The following ECHS1 variants were observed in gnomAD, a reference collection of about 807,000 sequenced individuals.
ECHS1 encodes the protein enoyl-CoA hydratase, mitochondrial.
Under a neutral mutation model 33.5 loss-of-function variants are expected in ECHS1, and 19 were observed. The observed-to-expected ratio is 0.57, with a 90% confidence interval of 0.40 to 0.83. The LOEUF is 0.83. Ranked by LOEUF, ECHS1 falls within the 40% of genes least tolerant of loss-of-function variation. The probability of loss-of-function intolerance (pLI) is 0.00; values close to 1 mark genes in which losing one functional copy is unlikely to be tolerated. For synonymous variants in ECHS1, 158 were observed against 146.6 expected (o/e 1.08, Z -0.56); for missense variants, 365 against 381.3 (o/e 0.96, Z 0.36).
Position 133,362,558 on chromosome 10 carries a change from ATTC to A in ECHS1, c.*307_*309del, listed in dbSNP as rs1848978876. 1 of 462,794 alleles carries A rather than the reference ATTC, an allele frequency of 2.2e-6. No individual in the cohort carries two copies. The highest frequency in any genetic ancestry group is 3.9e-6 in the Non-Finnish European group (1 of 254,508). The allele number at this position is 462,794 out of a possible 1,614,324, so 28.7% of individuals were successfully genotyped here. A position where few individuals can be genotyped will look rare whatever the true frequency, so the allele number is the denominator to read the frequency against. ...ACAGCGTTTCCCTCAGAGCAGCCCC[ATTC>A]TTCAGCGGCAGGGACACAAGGACCC... On this transcript the variant is annotated 3_prime_UTR_variant, in exon 8 of 8. Coordinates refer to ENST00000368547, the MANE Select transcript of ECHS1 (RefSeq NM_004092.4).
At chr10:133,366,172 G>C in intron 5 of ECHS1, 77 bp from the exon 6 acceptor site, 2 of 1,537,400 alleles carry the variant, frequency 1.3e-6, no homozygotes, top group Non-Finnish European at 1.8e-6. Context: ...TGGCCGCTGG[G>C]GAGCAGCGTG....
At chr10:133,373,218 G>C in intron 1 of ECHS1, 28 bp downstream of exon 1, 2 of 1,404,502 alleles carry the variant, frequency 1.4e-6, no homozygotes, top group Middle Eastern at 2.0e-4. Flanking sequence ...GAGGAGATTC[G>C]GGCCGCCAGC....
intron 4 of ECHS1, 98 bp downstream of exon 4, chr10:133,368,825 A>G (rs1468267259): frequency 4.3e-6 from 5 of 1,156,844 alleles, no homozygotes; most frequent in Non-Finnish European, 6.3e-6. Context: ...CTGTCCATCC[A>G]GGGCCTCTGG....
rs35775473 is a variant in ECHS1 at position 133,370,606 on chromosome 10, C to A, written c.240G>T (p.Pro80=). 1 of 1,610,762 alleles carries A rather than the reference C, an allele frequency of 6.2e-7. No individual in the cohort carries two copies. The highest frequency in any genetic ancestry group is 2.2e-5 in the East Asian group (1 of 44,830). Residue 80 remains proline, a synonymous_variant, in exon 2 of 8, where the codon CCG becomes CCT. Transcript: ENST00000368547. Reference sequence around the variant, plus strand: ...CGGTGAGGACAATGGCCCCCACGGCCGGGTCCTCCTCGAAGGTCTTCAGGG... The same window carrying A: ...CGGTGAGGACAATGGCCCCCACGGCAGGGTCCTCCTCGAAGGTCTTCAGGG... The part of the protein sequence containing the change: ...NQALKTFEED[P]AVGAIVLTGG...
rs752594630 is a variant in ECHS1 at position 133,364,716 on chromosome 10, A to G, written c.749T>C (p.Met250Thr). ...CAACTTACTTCCTTCTGTTAATGTCATTTCAAAAGCTGAAAAACAAAGTCC... is the reference window on the plus strand; with the variant it reads ...CAACTTACTTCCTTCTGTTAATGTCGTTTCAAAAGCTGAAAAACAAAGTCC... ...AKESVNAAFE[M>T]TLTEGSKLEK... Residue 250 changes from methionine to threonine, a missense_variant, in exon 7 of 8, where the codon ATG becomes ACG. By Grantham distance (81) the Met-to-Thr change is moderately conservative (BLOSUM62 -1). Transcript: ENST00000368547. The G allele has an allele frequency of 2.5e-6, 4 of 1,613,512 alleles. No individual in the cohort carries two copies. The African/African-American group carries it at 5.3e-5, about 22-fold the overall frequency.
At chr10:133,371,374 A>C (rs1175066786) in intron 1 of ECHS1, among the ~76,000 whole-genome samples, 1 of 152,148 alleles carries the variant, frequency 6.6e-6, no homozygotes, top group Admixed American at 6.5e-5. Context: ...TCTTCCCAGG[A>C]CACCACTCTG....
intron 1 of ECHS1, among the ~76,000 whole-genome samples, chr10:133,371,276 CAAAAAAAAAGAAA>C: frequency 1.3e-5 from 2 of 149,924 alleles, no homozygotes; most frequent in African/African-American, 4.9e-5. Flanking sequence ...GACTCCGTCT[CAAAAAAAAAGAAA>C]AGAAAAAAAG....
intron 6 of ECHS1, among the ~76,000 whole-genome samples, chr10:133,365,011 G>A (rs1397631027): frequency 6.6e-6 from 1 of 152,218 alleles, no homozygotes; most frequent in African/African-American, 2.4e-5. Flanking sequence ...CTGTGCCCTT[G>A]AGGAGAGGCT....
rs1848978847 is a variant in ECHS1, at chr10:133,362,559, T to A, written c.*309A>T. 2.2e-6 allele frequency: 1 copy of A among 462,106 alleles called. No homozygotes were observed. Among genetic ancestry groups the A allele is most frequent in the Admixed American group, 3.6e-5 (1 of 27,924 alleles). The allele number at this position is 462,106 out of a possible 1,614,324, so 28.6% of individuals were successfully genotyped here. ...CAGCGTTTCCCTCAGAGCAGCCCCA[T>A]TCTTCAGCGGCAGGGACACAAGGAC... On this transcript the variant is annotated 3_prime_UTR_variant, in exon 8 of 8. Transcript: ENST00000368547.
rs755167071 is a variant in ECHS1 at position 133,365,978 on chromosome 10, G to A, written c.737C>T (p.Ala246Val). ...TGTCTTCCTGGCAGATCCCCTACCT[G>A]CATTCACTGATTCTTTGGCCATCGC... is the stretch of plus-strand genomic sequence containing the variant. ...VVAMAKESVN[A>V]AFEMTLTEGS... The change falls in exon 6 of 8, where the codon GCA becomes GTA. Residue 246 changes from alanine (A) to valine (V), a missense_variant and splice_region_variant. By Grantham distance (64) the Ala-to-Val change is moderately conservative. Coordinates refer to ENST00000368547, the MANE Select transcript of ECHS1 (RefSeq NM_004092.4). 4 of 1,613,550 alleles carry A rather than the reference G, an allele frequency of 2.5e-6. No homozygotes were observed.
At position 133,373,329 on chromosome 10, in the gene ECHS1, G is replaced by C. The variant is rs587776498; in HGVS notation, c.5C>G (p.Ala2Gly). 2 of 1,502,740 alleles carry C rather than the reference G, an allele frequency of 1.3e-6. No homozygotes were observed. The highest frequency in any genetic ancestry group is 2.5e-5 in the South Asian group (2 of 81,562). The allele number at this position is 1,502,740 out of a possible 1,614,324, so 93.1% of individuals were successfully genotyped here. The change falls in exon 1 of 8, where the codon GCC becomes GGC. Residue 2 changes from alanine (A) to glycine (G), a missense_variant. Ala to Gly is a moderately conservative substitution (Grantham distance 60, BLOSUM62 0). Transcript: ENST00000368547. ...GCAGGACAGCAGGACACGCAGGGCG[G>C]CCATGGCTCTCTGGACTCCTCGCCC... Reference protein sequence around the residue: MAALRVLLSCVR... With the variant: MGALRVLLSCVR...
intron 6 of ECHS1, among the ~76,000 whole-genome samples, chr10:133,365,584 G>A (rs1167709954): frequency 1.3e-5 from 2 of 152,076 alleles, no homozygotes; most frequent in African/African-American, 2.4e-5. Context: ...CTGCAAGCCT[G>A]CGTAGCCACC....
In ECHS1 at chr10:133,362,910, G is replaced by A. The variant is rs769725255; in HGVS notation, c.831C>T (p.Thr277=). 1.5e-5 allele frequency: 24 copies of A among 1,613,994 alleles called. No individual in the cohort carries two copies. Among genetic ancestry groups the A allele is most frequent in the African/African-American group, 9.3e-5 (7 of 74,914 alleles). Residue 277 remains threonine, a synonymous_variant, in exon 8 of 8, where the codon ACC becomes ACT. Coordinates refer to ENST00000368547, the MANE Select transcript of ECHS1 (RefSeq NM_004092.4). The part of the protein sequence containing the change: ...FATDDRKEGM[T]AFVEKRKANF... ...TGGCCTTTCTCTTTTCCACAAACGC[G>A]GTCATCCCTTCTTTCCGGTCATCCT...
chr10:133,371,873 T>G (rs1256049884), intron 1 of ECHS1, among the ~76,000 whole-genome samples: 1 of 152,162 alleles, frequency 6.6e-6, no homozygotes, highest in Non-Finnish European at 1.5e-5. Context: ...CTTGGCTCAC[T>G]GCGACCTCTG....
chr10:133,367,678 C>A (rs1212311396), intron 4 of ECHS1, among the ~76,000 whole-genome samples: 4 of 151,712 alleles, frequency 2.6e-5, no homozygotes, highest in Non-Finnish European at 5.9e-5. Flanking sequence ...GGCCTAACCC[C>A]CTCCCTGTGG....
chr10:133,368,829 C>T, intron 4 of ECHS1, 94 bp downstream of exon 4: 1 of 1,195,134 alleles, frequency 8.4e-7, no homozygotes. Flanking sequence ...CCATCCAGGG[C>T]CTCTGGTCAG....
At chr10:133,373,163 G>A (rs1287063523) in intron 1 of ECHS1, 83 bp downstream of exon 1, 5 of 1,156,898 alleles carry the variant, frequency 4.3e-6, no homozygotes, top group South Asian at 1.9e-5. Flanking sequence ...AGGTGGGAGG[G>A]GGGTGCGGTC....
At chr10:133,368,758 C>A (rs184836877) in intron 4 of ECHS1, among the ~76,000 whole-genome samples, 165 bp downstream of exon 4, 1 of 152,304 alleles carries the variant, frequency 6.6e-6, no homozygotes, top group Non-Finnish European at 1.5e-5. Context: ...CAAGCTCTGT[C>A]ACAACCACTC....
At chr10:133,372,363 G>A (rs946443680) in intron 1 of ECHS1, among the ~76,000 whole-genome samples, 2 of 152,310 alleles carry the variant, frequency 1.3e-5, no homozygotes, top group Middle Eastern at 3.4e-3. Context: ...GTGGGGCCCC[G>A]GGTGAGCCAC....
Sources: allele counts gnomAD v4.1 joint callset (sites outside exome capture counted in the v4.1 genomes callset), GRCh38; gene constraint gnomAD v4.1.1; transcripts MANE v1.5; gene names NCBI Gene and HGNC (gene_info 2026-07-23, HGNC 2026-07-21).